Variants in KCNT2 observed in about 807,000 individuals in gnomAD.
KCNT2 encodes the protein potassium channel subfamily T member 2.
In KCNT2, 67 loss-of-function variants were observed where a neutral mutation model predicts 153.8. The ratio of observed to expected loss-of-function variants is 0.44; its 90% CI spans 0.36 to 0.53. KCNT2 has a LOEUF of 0.53. KCNT2 is among the 20% of genes least tolerant of loss of function. The probability of loss-of-function intolerance (pLI) is 0.00; values close to 1 mark genes in which losing one functional copy is unlikely to be tolerated. For synonymous variants in KCNT2, 500 were observed against 458.8 expected (o/e 1.09, Z -1.15); for missense variants, 975 against 1,354.8 (o/e 0.72, Z 4.40).
chr1:196,479,144 C>A (rs1035931842), intron 5 of KCNT2, 35 bp downstream of exon 5: 3 of 1,276,386 alleles, frequency 2.4e-6, no homozygotes. Flanking sequence ...CAGATGTGTT[C>A]TATCAGCGGG....
At chr1:196,568,728 T>A (rs1205774524) in intron 1 of KCNT2, among the ~76,000 whole-genome samples, 1 of 151,376 alleles carries the variant, frequency 6.6e-6, no homozygotes, top group African/African-American at 2.4e-5. Context: ...CACAGACCAG[T>A]ATTGGTCAGT....
intron 3 of KCNT2, among the ~76,000 whole-genome samples, chr1:196,488,861 T>C (rs947956563): frequency 3.3e-5 from 5 of 152,018 alleles, no homozygotes. Context: ...TAGAAAGGAC[T>C]GATAAGTGAA....
intron 22 of KCNT2, among the ~76,000 whole-genome samples, chr1:196,289,218 G>C (rs1302875820): frequency 6.6e-6 from 1 of 151,960 alleles, no homozygotes; most frequent in African/African-American, 2.4e-5. Flanking sequence ...TATCATTGCA[G>C]CTAAAATATT....
At chr1:196,252,204 A>C (rs1313312885) in intron 26 of KCNT2, among the ~76,000 whole-genome samples, 1 of 151,602 alleles carries the variant, frequency 6.6e-6, no homozygotes, top group East Asian at 1.9e-4. Flanking sequence ...TAGTTATATC[A>C]TTTTGGTTTA....
chr1:196,438,085 C>T (rs1009037770), intron 8 of KCNT2, among the ~76,000 whole-genome samples: 1 of 151,448 alleles, frequency 6.6e-6, no homozygotes, highest in African/African-American at 2.4e-5. Flanking sequence ...TTCCCATTGG[C>T]TATAATGAGA....
intron 20 of KCNT2, among the ~76,000 whole-genome samples, chr1:196,318,469 T>C (rs1662953480): frequency 6.6e-6 from 1 of 151,774 alleles, no homozygotes; most frequent in African/African-American, 2.4e-5. Flanking sequence ...CACTTCATAG[T>C]TTGCATCAGA....
intron 5 of KCNT2, among the ~76,000 whole-genome samples, chr1:196,471,366 A>C: frequency 6.6e-6 from 1 of 152,162 alleles, no homozygotes; most frequent in East Asian, 1.9e-4. Flanking sequence ...ACTACCACTG[A>C]ATCAGGACTA....
intron 2 of KCNT2, among the ~76,000 whole-genome samples, chr1:196,491,162 C>G (rs1167197219): frequency 6.6e-6 from 1 of 151,812 alleles, no homozygotes; most frequent in Non-Finnish European, 1.5e-5. Context: ...CCTTTTTTGG[C>G]CTGGAAAGAT....
chr1:196,255,179 GA>G (rs999994190), intron 26 of KCNT2, among the ~76,000 whole-genome samples: 17 of 151,496 alleles, frequency 1.1e-4, no homozygotes, highest in African/African-American at 2.9e-4. Flanking sequence ...GTTATTAACA[GA>G]AAAAAAATTA....
intron 10 of KCNT2, 123 bp downstream of exon 10, chr1:196,427,982 C>T (rs1673800825): frequency 6.5e-6 from 4 of 615,782 alleles, no homozygotes; most frequent in Non-Finnish European, 5.5e-6. Flanking sequence ...TCATTTACTC[C>T]TTCTATATTT....
intron 25 of KCNT2, among the ~76,000 whole-genome samples, chr1:196,263,887 T>C (rs772037362): frequency 2.0e-5 from 3 of 152,218 alleles, no homozygotes; most frequent in Non-Finnish European, 4.4e-5. Context: ...TTTTTAAATG[T>C]ACACATTAAC....
At chr1:196,546,567 CAGA>C in intron 1 of KCNT2, among the ~76,000 whole-genome samples, 1 of 151,894 alleles carries the variant, frequency 6.6e-6, no homozygotes, top group East Asian at 1.9e-4. Flanking sequence ...GTCTTGTAAA[CAGA>C]AGATTAGTGT....
chr1:196,345,787 A>G (rs1666089244), intron 14 of KCNT2, among the ~76,000 whole-genome samples: 1 of 152,168 alleles, frequency 6.6e-6, no homozygotes, highest in African/African-American at 2.4e-5. Flanking sequence ...ATATATAACA[A>G]TCTTAAATAT....
intron 1 of KCNT2, among the ~76,000 whole-genome samples, chr1:196,532,892 A>T (rs993713667): frequency 1.3e-5 from 2 of 152,086 alleles, no homozygotes; most frequent in Non-Finnish European, 2.9e-5. Context: ...CGGGCTGCTA[A>T]CTTCTCCATA....
At chr1:196,368,522 T>C (rs1024032807) in intron 14 of KCNT2, among the ~76,000 whole-genome samples, 5 of 152,176 alleles carry the variant, frequency 3.3e-5, no homozygotes, top group Non-Finnish European at 7.3e-5. Flanking sequence ...TTGTTCATAT[T>C]TTCTCACAAT....
chr1:196,295,876 A>AT (rs1660630865), intron 22 of KCNT2, among the ~76,000 whole-genome samples: 1 of 151,922 alleles, frequency 6.6e-6, no homozygotes, highest in African/African-American at 2.4e-5. Context: ...GGATGCATAA[A>AT]TTTTTTGTGT....
chr1:196,523,528 C>T (rs899713729), intron 1 of KCNT2, among the ~76,000 whole-genome samples: 1 of 152,180 alleles, frequency 6.6e-6, no homozygotes, highest in Non-Finnish European at 1.5e-5. Flanking sequence ...AGTTACAATT[C>T]CCTTGGTTCA....
chr1:196,282,310 C>A lies in KCNT2; in HGVS notation c.2744G>T (p.Gly915Val), dbSNP rs750831424. 1.2e-6 allele frequency: 2 copies of A among 1,603,222 alleles called. No homozygotes were observed. Among genetic ancestry groups the A allele is most frequent in the African/African-American group, 2.7e-5 (2 of 74,582 alleles). The change falls in exon 24 of 28, where the codon GGA (glycine) becomes GTA (valine). Residue 915 changes from glycine (G) to valine (V), a missense_variant. Transcript: ENST00000294725. Reference sequence around the variant, plus strand: ...CCCAGATCCTGGTGTAGTGTCCAGTCCCAACAGAAGTCTCGTGATAGAAAT... The same window carrying A: ...CCCAGATCCTGGTGTAGTGTCCAGTACCAACAGAAGTCTCGTGATAGAAAT... ...YMISITRLLL[G>V]LDTTPGSGFL... is the part of the protein sequence containing the mutation.
At chr1:196,242,797 A>C (rs1056748846) in intron 26 of KCNT2, among the ~76,000 whole-genome samples, 3 of 152,176 alleles carry the variant, frequency 2.0e-5, no homozygotes, top group Non-Finnish European at 4.4e-5. Context: ...CTTCAGAATA[A>C]GTGTCAGGAA....
Sources: allele counts gnomAD v4.1 joint callset (sites outside exome capture counted in the v4.1 genomes callset), GRCh38; gene constraint gnomAD v4.1.1; transcripts MANE v1.5; gene names NCBI Gene and HGNC (gene_info 2026-07-23, HGNC 2026-07-21).